Variants in PCDHA11 observed in about 807,000 individuals in gnomAD.
PCDHA11 encodes the protein protocadherin alpha-11.
A neutral mutation model predicts 70.3 loss-of-function variants in PCDHA11; 61 were observed. That is an observed-to-expected ratio of 0.87 (90% confidence interval 0.71 to 1.07). The LOEUF is 1.07. Among genes scored for constraint, PCDHA11 ranks in the 50% least tolerant of loss-of-function variants. The pLI is 0.00. For missense variants in PCDHA11, 1,324 were observed against 1,237.5 expected (o/e 1.07, Z -1.05); for synonymous variants, 633 against 555.1 (o/e 1.14, Z -1.97).
chr5:140,883,184 G>T (rs1341554668), intron 1 of PCDHA11: 10 of 1,613,756 alleles, frequency 6.2e-6, no homozygotes, highest in Non-Finnish European at 8.5e-6. Flanking sequence ...TAGGACAAAA[G>T]GCAAACTAGA....
intron 1 of PCDHA11, among the ~76,000 whole-genome samples, chr5:140,916,329 T>C (rs1554197398): frequency 6.6e-6 from 1 of 152,178 alleles, no homozygotes; most frequent in African/African-American, 2.4e-5. Context: ...TCCCCTTTAC[T>C]TTTTCCTCTG....
At chr5:140,992,517 G>C (rs78765218) in intron 3 of PCDHA11, among the ~76,000 whole-genome samples, 388 of 152,300 alleles carry the variant, frequency 2.5e-3, no homozygotes, top group African/African-American at 8.8e-3. Flanking sequence ...GGGCATGGTA[G>C]CTAATGGAAA....
chr5:140,880,889 G>T (rs1554171573), intron 1 of PCDHA11, among the ~76,000 whole-genome samples: 1 of 152,130 alleles, frequency 6.6e-6, no homozygotes, highest in Admixed American at 6.6e-5. Context: ...GAAATGTAGG[G>T]CCAGATAGAA....
chr5:140,914,783 A>G (rs1445627539), intron 1 of PCDHA11, among the ~76,000 whole-genome samples: 1 of 151,972 alleles, frequency 6.6e-6, no homozygotes, highest in Admixed American at 6.6e-5. Context: ...TTATCTTATG[A>G]CCCATTATTT....
At chr5:140,975,543 T>C (rs1276340507) in intron 1 of PCDHA11, among the ~76,000 whole-genome samples, 2 of 152,206 alleles carry the variant, frequency 1.3e-5, no homozygotes, top group African/African-American at 4.8e-5. Context: ...AATACAGTCC[T>C]ATTAGGAAGG....
chr5:140,956,820 G>C (rs246011), intron 1 of PCDHA11, among the ~76,000 whole-genome samples: 85,659 of 151,910 alleles, frequency 0.56, 24,765 homozygotes, highest in African/African-American at 0.69. Context: ...GCTTCAATTT[G>C]TAATTTAATA....
intron 1 of PCDHA11, chr5:140,929,227 G>T (rs141300036): frequency 1.2e-6 from 2 of 1,613,774 alleles, no homozygotes; most frequent in Non-Finnish European, 1.7e-6. Context: ...CAATGCTGCC[G>T]ACCTGCGAAA....
intron 1 of PCDHA11, among the ~76,000 whole-genome samples, chr5:140,962,590 C>T (rs2095694493): frequency 6.6e-6 from 1 of 152,144 alleles, no homozygotes; most frequent in African/African-American, 2.4e-5. Context: ...AAATATTTGA[C>T]TGATATATTT....
chr5:140,871,026 G>T lies in PCDHA11; in HGVS notation c.1923G>T (p.Ser641=). 2 of 1,613,220 alleles carry T rather than the reference G, an allele frequency of 1.2e-6. No individual in the cohort carries two copies. The highest frequency in any genetic ancestry group is 1.7e-6 in the Non-Finnish European group (2 of 1,179,858). The change falls in exon 1 of 4, where the codon TCG becomes TCT. Residue 641 remains serine (S), a synonymous_variant. Transcript: ENST00000398640. ...CGCGTGCCCTGGACGAGGCAGACTC[G>T]CCGCGCCACCGACTTCTAGTACTGG... The part of the protein sequence containing the change: ...STTRALDEAD[S]PRHRLLVLVK...
intron 1 of PCDHA11, among the ~76,000 whole-genome samples, chr5:140,944,623 T>G (rs535315515): frequency 2.0e-5 from 3 of 152,202 alleles, no homozygotes; most frequent in Non-Finnish European, 4.4e-5. Flanking sequence ...AGAAGTATAG[T>G]GTTGTAAGCC....
At chr5:140,955,124 CTG>C (rs1404094455) in intron 1 of PCDHA11, among the ~76,000 whole-genome samples, 1 of 152,016 alleles carries the variant, frequency 6.6e-6, no homozygotes. Context: ...TTCTGTTCCA[CTG>C]GTCTACACGT....
chr5:140,886,815 A>G (rs1251237856), intron 1 of PCDHA11, among the ~76,000 whole-genome samples: 1 of 149,622 alleles, frequency 6.7e-6, no homozygotes, highest in African/African-American at 2.5e-5. Context: ...TGACAGAGCA[A>G]GACTTCGTCT....
intron 1 of PCDHA11, among the ~76,000 whole-genome samples, chr5:140,931,196 A>T (rs1279027493): frequency 1.3e-5 from 2 of 152,182 alleles, no homozygotes; most frequent in Non-Finnish European, 2.9e-5. Flanking sequence ...GTGCACTACA[A>T]TGCTAGTATT....
At chr5:140,951,766 C>T (rs372624744) in intron 1 of PCDHA11, among the ~76,000 whole-genome samples, 78 of 152,240 alleles carry the variant, frequency 5.1e-4, no homozygotes, top group African/African-American at 1.6e-3. Context: ...AATCTCATGA[C>T]GTTCTTACAT....
At chr5:140,994,753 G>T (rs143791883) in intron 3 of PCDHA11, among the ~76,000 whole-genome samples, 6 of 152,252 alleles carry the variant, frequency 3.9e-5, no homozygotes, top group Non-Finnish European at 7.3e-5. Context: ...AGTAGGATGT[G>T]GAGAGGAAGA....
intron 3 of PCDHA11, among the ~76,000 whole-genome samples, chr5:140,985,773 T>C (rs945442566): frequency 7.2e-6 from 1 of 138,872 alleles, no homozygotes; most frequent in South Asian, 2.4e-4. Context: ...ACAGTCTCGC[T>C]CTGTCGCCCA....
At chr5:140,968,665 T>C (rs782078145) in intron 1 of PCDHA11, 4 of 1,614,042 alleles carry the variant, frequency 2.5e-6, no homozygotes, top group Non-Finnish European at 3.4e-6. Context: ...TGGACCTCTT[T>C]AAGGTAGAGC....
At chr5:140,987,119 CAGG>C (rs1258206409) in intron 3 of PCDHA11, among the ~76,000 whole-genome samples, 2 of 151,448 alleles carry the variant, frequency 1.3e-5, no homozygotes, top group Non-Finnish European at 2.9e-5. Flanking sequence ...GAGGCTGAGG[CAGG>C]AGAATTGCTT....
intron 1 of PCDHA11, among the ~76,000 whole-genome samples, chr5:140,953,839 A>G (rs2094940958): frequency 6.6e-6 from 1 of 152,192 alleles, no homozygotes; most frequent in African/African-American, 2.4e-5. Flanking sequence ...TTTGTTACCC[A>G]GGTAAACATG....
Sources: gnomAD v4.1 joint callset for allele counts (sites outside exome capture counted in the v4.1 genomes callset) on GRCh38, gnomAD v4.1.1 for gene constraint, MANE v1.5 for transcripts, NCBI Gene and HGNC (gene_info 2026-07-23, HGNC 2026-07-21) for gene names.